The following LSAMP variants were observed in gnomAD, a reference collection of about 807,000 sequenced individuals.
LSAMP encodes the protein limbic system associated membrane protein, also known as limbic system-associated membrane protein.
In LSAMP, 7 loss-of-function variants were observed where a neutral mutation model predicts 38.6. The ratio of observed to expected loss-of-function variants is 0.18; its 90% CI spans 0.10 to 0.34. The LOEUF (loss-of-function observed/expected upper bound fraction) is 0.34, where lower values mean the gene tolerates loss of function less well. Ranked by LOEUF, LSAMP falls within the 10% of genes least tolerant of loss-of-function variation. LSAMP has a pLI of 1.00. For synonymous variants in LSAMP, 154 were observed against 166.8 expected (o/e 0.92, Z 0.59); for missense variants, 313 against 420.0 (o/e 0.75, Z 2.23).
intron 1 of LSAMP, among the ~76,000 whole-genome samples, chr3:116,211,824 C>G (rs568993000): frequency 7.9e-5 from 12 of 152,242 alleles, no homozygotes; most frequent in African/African-American, 2.2e-4. Flanking sequence ...CATTTCTGGT[C>G]TAATGTGGAT....
In LSAMP at chr3:116,105,123, G is replaced by A. The variant is rs989714428; in HGVS notation, c.156-18567C>T. Among the ~76,000 whole-genome samples the A allele has an allele frequency of 1.4e-4, 21 of 151,890 alleles. No homozygotes were observed. The East Asian group carries it at 3.3e-3, about 24-fold the overall frequency. Reference sequence around the variant, plus strand: ...GGTATAGGATAGTTAGCATGATGAAGGCATTCATAGAACTCTTGGCTACAG... The same window carrying A: ...GGTATAGGATAGTTAGCATGATGAAAGCATTCATAGAACTCTTGGCTACAG... On this transcript the variant is annotated intron_variant, in intron 1 of 6. Coordinates refer to ENST00000490035, the MANE Select transcript of LSAMP (RefSeq NM_002338.5).
At chr3:116,026,382 CT>C (rs1292817643) in intron 2 of LSAMP, among the ~76,000 whole-genome samples, 2 of 152,182 alleles carry the variant, frequency 1.3e-5, no homozygotes, top group Non-Finnish European at 2.9e-5. Flanking sequence ...ATCCCTTCTT[CT>C]TTTTGTGTAA....
At chr3:116,188,084 T>C (rs72961573) in intron 1 of LSAMP, among the ~76,000 whole-genome samples, 3,585 of 152,192 alleles carry the variant, frequency 0.024, 140 homozygotes, top group African/African-American at 0.08. Context: ...TTCCAACACA[T>C]AAAAACAACA....
chr3:116,424,722 G>A (rs2049172238), intron 1 of LSAMP, among the ~76,000 whole-genome samples: 1 of 152,146 alleles, frequency 6.6e-6, no homozygotes, highest in Non-Finnish European at 1.5e-5. Flanking sequence ...AGTATTGAGA[G>A]TCTTGGAATG....
At chr3:116,255,388 A>C (rs944747620) in intron 1 of LSAMP, among the ~76,000 whole-genome samples, 3 of 152,210 alleles carry the variant, frequency 2.0e-5, no homozygotes, top group African/African-American at 7.2e-5. Flanking sequence ...AGTTTGCTAC[A>C]GCTTAAAAGT....
At chr3:116,083,319 T>A (rs1707912055) in intron 2 of LSAMP, among the ~76,000 whole-genome samples, 2 of 152,264 alleles carry the variant, frequency 1.3e-5, no homozygotes, top group East Asian at 3.9e-4. Context: ...GAAAACATGA[T>A]CTCCAGACAC....
rs1933548488 is a variant in LSAMP at position 115,802,922 on chromosome 3, G to T, written c.*7395C>A. ...CCTACTCCAAGTAAATACTTAGGGA[G>T]CAGAACTTGGCCACAGTTCACCAGG... is the stretch of plus-strand genomic sequence containing the variant. On this transcript the variant is annotated 3_prime_UTR_variant, in exon 7 of 7. Coordinates refer to ENST00000490035, the MANE Select transcript of LSAMP (RefSeq NM_002338.5). 3 of 152,096 alleles carry T rather than the reference G, an allele frequency of 2.0e-5. No individual in the cohort carries two copies. The allele number at this position is 152,096 out of a possible 1,614,324, so 9.4% of individuals were successfully genotyped here.
intron 1 of LSAMP, among the ~76,000 whole-genome samples, chr3:116,252,813 G>T (rs531364059): frequency 3.2e-4 from 49 of 152,300 alleles, no homozygotes; most frequent in African/African-American, 1.2e-3. Flanking sequence ...CTTATGGGAT[G>T]TTTTCTTCTT....
intron 1 of LSAMP, among the ~76,000 whole-genome samples, chr3:116,314,970 A>G (rs13066016): frequency 0.055 from 8,350 of 152,230 alleles, 275 homozygotes; most frequent in Middle Eastern, 0.092. Context: ...CTGAAATAGA[A>G]TGACCCTCAA....
At chr3:116,199,503 A>G (rs2045961680) in intron 1 of LSAMP, among the ~76,000 whole-genome samples, 1 of 152,226 alleles carries the variant, frequency 6.6e-6, no homozygotes, top group African/African-American at 2.4e-5. Flanking sequence ...TTGTGGTCCC[A>G]GAACATATCT....
At position 115,810,356 on chromosome 3, in the gene LSAMP, C is replaced by T. The variant is rs1425494971; in HGVS notation, c.978G>A (p.Leu326=). The part of the protein sequence containing the change: ...GSISLAVPLW[L]LAASLLCLLS... The stretch of plus-strand genomic sequence containing the variant: ...GAAGGCAGAGCAGAGATGCTGCCAG[C>T]AGCCACAGTGGTACGGCCAGACTGA... The change falls in exon 7 of 7, where the codon CTG becomes CTA. Residue 326 remains leucine, a synonymous_variant. Transcript: ENST00000490035. The T allele has an allele frequency of 6.2e-7, 1 of 1,613,536 alleles. No homozygotes were observed. The highest frequency in any genetic ancestry group is 2.2e-5 in the East Asian group (1 of 44,890).
intron 1 of LSAMP, among the ~76,000 whole-genome samples, chr3:116,242,167 T>G (rs772683606): frequency 5.1e-4 from 77 of 152,266 alleles, no homozygotes; most frequent in South Asian, 1.0e-3. Context: ...TAAAACAAAT[T>G]GCCAAGGAAA....
intron 6 of LSAMP, among the ~76,000 whole-genome samples, chr3:115,825,614 A>C (rs1388552368): frequency 6.6e-6 from 1 of 152,216 alleles, no homozygotes; most frequent in Non-Finnish European, 1.5e-5. Flanking sequence ...ATGTGTGACC[A>C]TACAATTAAG....
At chr3:115,978,215 G>C (rs1045007376) in intron 3 of LSAMP, among the ~76,000 whole-genome samples, 2 of 152,008 alleles carry the variant, frequency 1.3e-5, no homozygotes, top group African/African-American at 4.8e-5. Context: ...TCATAGCAGA[G>C]GCAAAATCTA....
chr3:115,837,176 A>G (rs1934815892), intron 6 of LSAMP, among the ~76,000 whole-genome samples: 1 of 152,212 alleles, frequency 6.6e-6, no homozygotes, highest in South Asian at 2.1e-4. Context: ...GTGGTGGATT[A>G]CTCAGGTAGC....
intron 4 of LSAMP, among the ~76,000 whole-genome samples, chr3:115,847,040 A>G (rs1010189812): frequency 3.9e-5 from 6 of 152,194 alleles, no homozygotes; most frequent in African/African-American, 1.4e-4. Flanking sequence ...GAAATCAGTA[A>G]TATGAGAGCA....
At chr3:115,966,061 C>A (rs956359471) in intron 3 of LSAMP, among the ~76,000 whole-genome samples, 4 of 152,104 alleles carry the variant, frequency 2.6e-5, no homozygotes, top group Non-Finnish European at 5.9e-5. Context: ...TCCCAGTTTG[C>A]CATGTGGGGC....
intron 1 of LSAMP, among the ~76,000 whole-genome samples, chr3:116,142,448 C>T (rs1250379467): frequency 6.6e-6 from 1 of 151,994 alleles, no homozygotes; most frequent in African/African-American, 2.4e-5. Flanking sequence ...CCAGCCTGTG[C>T]AGGTGCAATT....
In LSAMP at chr3:115,960,815, C is replaced by CA. The variant is rs901976637; in HGVS notation, c.514+58699dup. 3.0e-4 allele frequency among the ~76,000 whole-genome samples: 45 copies of CA among 151,504 alleles called. 1 individual carries two copies. The highest frequency in any genetic ancestry group is 8.3e-4 in the South Asian group (4 of 4,806). On this transcript the variant is annotated intron_variant, in intron 3 of 6. Transcript: ENST00000490035. ...AAATCAACTGTTAATAAAAGGCAAA[C>CA]AAAAAAAAATCGTTAATTTTTTTCC...
Sources: gnomAD v4.1 joint callset for allele counts (sites outside exome capture counted in the v4.1 genomes callset) on GRCh38, gnomAD v4.1.1 for gene constraint, MANE v1.5 for transcripts, NCBI Gene and HGNC (gene_info 2026-07-23, HGNC 2026-07-21) for gene names.